PCLO: variants seen among roughly 807,000 people sequenced by gnomAD.
The protein encoded by PCLO is protein piccolo.
A neutral mutation model predicts 427.5 loss-of-function variants in PCLO; 82 were observed. That is an observed-to-expected ratio of 0.19 (90% CI 0.16 to 0.23). The LOEUF is 0.23. Among genes scored for constraint, PCLO ranks in the 10% least tolerant of loss-of-function variants. PCLO has a pLI of 1.00. For synonymous variants in PCLO, 2,357 were observed against 2,155.4 expected, an observed-to-expected ratio of 1.09 and a Z score of -2.59; for missense variants, 6,239 against 6,115.9, an observed-to-expected ratio of 1.02 and a Z score of -0.67.
chr7:83,085,270 T>C (rs1360996478), intron 3 of PCLO, among the ~76,000 whole-genome samples: 1 of 152,176 alleles, frequency 6.6e-6, no homozygotes, highest in Non-Finnish European at 1.5e-5. Flanking sequence ...ATTTCTGATC[T>C]AAGTAGTAGA....
chr7:83,007,376 T>C (rs1164553482), intron 3 of PCLO, among the ~76,000 whole-genome samples: 1 of 151,362 alleles, frequency 6.6e-6, no homozygotes. Flanking sequence ...TTGTGTAAAG[T>C]GGTAAAATAT....
intron 3 of PCLO, among the ~76,000 whole-genome samples, chr7:83,073,037 C>A (rs1345746302): frequency 6.6e-6 from 1 of 151,928 alleles, no homozygotes; most frequent in Non-Finnish European, 1.5e-5. Context: ...TCATCTCCAC[C>A]ATGCTATTTC....
chr7:83,049,294 T>G (rs530203024), intron 3 of PCLO, among the ~76,000 whole-genome samples: 2 of 152,168 alleles, frequency 1.3e-5, no homozygotes, highest in Non-Finnish European at 2.9e-5. Flanking sequence ...TATGGTCTGA[T>G]AACATGATGC....
chr7:82,954,394 A>T lies in PCLO; in HGVS notation c.6559T>A (p.Ser2187Thr). Residue 2187 changes from serine to threonine, a missense_variant, in exon 5 of 25, where the codon TCT (serine) becomes ACT (threonine). Coordinates refer to ENST00000333891, the MANE Select transcript of PCLO (RefSeq NM_033026.6). ...TCTGTGGTACAGACCGAAGAAACAG[A>T]TGATGTGAGAGAAGGTGTGTCAGAG... ...PPSDTPSLTS[S>T]VSSVCTTDSS... 3.1e-6 allele frequency: 5 copies of T among 1,613,890 alleles called. No individual in the cohort carries two copies. The highest frequency in any genetic ancestry group is 4.2e-6 in the Non-Finnish European group (5 of 1,179,838).
At chr7:82,824,986 A>T (rs1182349553) in intron 18 of PCLO, among the ~76,000 whole-genome samples, 1 of 151,932 alleles carries the variant, frequency 6.6e-6, no homozygotes, top group East Asian at 1.9e-4. Flanking sequence ...AAAAACTCAT[A>T]ACTTATTTTA....
intron 3 of PCLO, among the ~76,000 whole-genome samples, chr7:83,039,562 T>C (rs1788919781): frequency 6.6e-6 from 1 of 152,140 alleles, no homozygotes; most frequent in Non-Finnish European, 1.5e-5. Context: ...AAGATCTATG[T>C]CTATCCTATG....
chr7:83,056,550 T>C (rs140626550), intron 3 of PCLO, among the ~76,000 whole-genome samples: 1,531 of 152,348 alleles, frequency 0.01, 9 homozygotes, highest in South Asian at 0.014. Context: ...GAACCGTCAC[T>C]TTGTGATTTA....
At chr7:82,880,119 T>C (rs10250881) in intron 9 of PCLO, among the ~76,000 whole-genome samples, 63,559 of 151,878 alleles carry the variant, frequency 0.42, 14,530 homozygotes, top group Middle Eastern at 0.51. Flanking sequence ...AGAAACCTAA[T>C]TGAGATAAAT....
At chr7:82,761,329 T>C in intron 23 of PCLO, 30 bp downstream of exon 23, 1 of 1,262,254 alleles carries the variant, frequency 7.9e-7, no homozygotes, top group Middle Eastern at 2.6e-4. Context: ...AAAATCTAGA[T>C]ATATTGATGA....
chr7:83,068,630 T>C (rs1034856845), intron 3 of PCLO, among the ~76,000 whole-genome samples: 1 of 152,278 alleles, frequency 6.6e-6, no homozygotes, highest in South Asian at 2.1e-4. Context: ...ACAAGACATA[T>C]GTTTTGGTAA....
intron 3 of PCLO, among the ~76,000 whole-genome samples, chr7:83,113,039 C>T (rs957375492): frequency 6.6e-6 from 1 of 152,190 alleles, no homozygotes; most frequent in Non-Finnish European, 1.5e-5. Context: ...ATACCACACA[C>T]CTAAATCTGG....
chr7:82,806,492 G>T (rs1379033536), intron 20 of PCLO, among the ~76,000 whole-genome samples: 1 of 152,098 alleles, frequency 6.6e-6, no homozygotes, highest in Non-Finnish European at 1.5e-5. Flanking sequence ...TTCCCATACA[G>T]ACATTACAAA....
chr7:83,075,690 A>G (rs1367582470), intron 3 of PCLO, among the ~76,000 whole-genome samples: 1 of 152,156 alleles, frequency 6.6e-6, no homozygotes. Flanking sequence ...TGTAATGACA[A>G]GTTAAAATTT....
chr7:82,958,308 CT>C (rs1285388596), intron 4 of PCLO, among the ~76,000 whole-genome samples: 1 of 151,122 alleles, frequency 6.6e-6, no homozygotes, highest in African/African-American at 2.4e-5. Context: ...TTCCTTCTTC[CT>C]TCCTTCATCC....
At chr7:82,961,617 G>A (rs1004518450) in intron 4 of PCLO, among the ~76,000 whole-genome samples, 8 of 152,142 alleles carry the variant, frequency 5.3e-5, no homozygotes. Context: ...CAAAATACAG[G>A]ATAAATTAAA....
intron 22 of PCLO, among the ~76,000 whole-genome samples, chr7:82,793,447 C>T (rs1791149609): frequency 6.6e-6 from 1 of 152,108 alleles, no homozygotes; most frequent in South Asian, 2.1e-4. Flanking sequence ...GGCTCTTCTG[C>T]TAGTGCTTGG....
chr7:82,866,829 A>T (rs1486535755), intron 10 of PCLO, among the ~76,000 whole-genome samples: 2 of 152,128 alleles, frequency 1.3e-5, no homozygotes, highest in East Asian at 3.9e-4. Flanking sequence ...AAAATTAATT[A>T]AAATAAATGA....
intron 3 of PCLO, among the ~76,000 whole-genome samples, chr7:83,089,422 C>A (rs993458015): frequency 6.6e-6 from 1 of 151,952 alleles, no homozygotes; most frequent in Admixed American, 6.6e-5. Flanking sequence ...TGTCCTTTCT[C>A]CCCCCTGACC....
chr7:83,094,819 T>C (rs560210399), intron 3 of PCLO, among the ~76,000 whole-genome samples: 2 of 152,186 alleles, frequency 1.3e-5, no homozygotes, highest in South Asian at 2.1e-4. Context: ...CATCAAACTG[T>C]CTTCTAGAGA....
Sources: gnomAD v4.1 joint callset for allele counts (sites outside exome capture counted in the v4.1 genomes callset) on GRCh38, gnomAD v4.1.1 for gene constraint, MANE v1.5 for transcripts, NCBI Gene and HGNC (gene_info 2026-07-23, HGNC 2026-07-21) for gene names.